Variants in HDAC4 observed in about 807,000 individuals in gnomAD.
The protein encoded by HDAC4 is histone deacetylase 4.
HDAC4 carries 16 observed loss-of-function variants against 135.1 expected under a neutral mutation model. The ratio of observed to expected loss-of-function variants is 0.12; its 90% confidence interval spans 0.08 to 0.18. HDAC4 has a LOEUF of 0.18. Ranked by LOEUF, HDAC4 falls within the 10% of genes least tolerant of loss-of-function variation. The pLI is 1.00. For synonymous variants in HDAC4, 685 were observed against 653.4 expected (o/e 1.05, Z -0.74); for missense variants, 1,143 against 1,511.8 (o/e 0.76, Z 4.05).
intron 2 of HDAC4, among the ~76,000 whole-genome samples, chr2:239,237,207 T>C (rs1198562761): frequency 6.6e-6 from 1 of 152,132 alleles, no homozygotes; most frequent in Non-Finnish European, 1.5e-5. Context: ...TTTAAATCCA[T>C]TTTTAGACTG....
chr2:239,138,925 C>T (rs116039597), intron 9 of HDAC4, among the ~76,000 whole-genome samples: 2,991 of 152,280 alleles, frequency 0.02, 98 homozygotes, highest in African/African-American at 0.068. Flanking sequence ...CCAGCCTGGG[C>T]GCCACTCCTC....
chr2:239,093,085 C>G (rs971511549), intron 17 of HDAC4, among the ~76,000 whole-genome samples: 2 of 152,190 alleles, frequency 1.3e-5, no homozygotes, highest in African/African-American at 4.8e-5. Context: ...GCCAGGACTC[C>G]GCTGGGCGAG....
In HDAC4 at chr2:239,215,015, C is replaced by G. The variant is rs537061781; in HGVS notation, c.94+21578G>C. Reference sequence around the variant, plus strand: ...GCTGGGGATCGACGGCAAGCAGGCTCTAGGATCTGGAAGGCAGGTGAGATC... The same window carrying G: ...GCTGGGGATCGACGGCAAGCAGGCTGTAGGATCTGGAAGGCAGGTGAGATC... On this transcript the variant is annotated intron_variant, in intron 3 of 26. Transcript: ENST00000543185. Among the ~76,000 whole-genome samples the G allele has an allele frequency of 2.0e-4, 31 of 152,278 alleles. No individual in the cohort carries two copies. The East Asian group carries it at 5.8e-3, about 29-fold the overall frequency.
In HDAC4 at chr2:239,102,083, GAAGCCCCCGGCCCGGGGTCCAC is replaced by G. The variant is rs1352401921; in HGVS notation, c.2233+671_2233+692del. 2.5e-3 allele frequency among the ~76,000 whole-genome samples: 258 copies of G among 103,772 alleles called. 1 individual carries two copies. Among genetic ancestry groups the G allele is most frequent in the East Asian group, 4.8e-3 (14 of 2,936 alleles). The allele number at this position is 103,772 out of a possible 152,430, so 68.1% of individuals were successfully genotyped here. On this transcript the variant is annotated intron_variant, in intron 16 of 26. Transcript: ENST00000543185. ...CCCCGGGTCCACGTTCTGTGCCCTGGAAGCCCCCGGCCCGGGGTCCACGTTCTGTGCCCTGGAAGCCCCCGGC... is the reference window on the plus strand; with the variant it reads ...CCCCGGGTCCACGTTCTGTGCCCTGGGTTCTGTGCCCTGGAAGCCCCCGGC...
chr2:239,184,069 T>TTAA, intron 4 of HDAC4, among the ~76,000 whole-genome samples: 1 of 71,404 alleles, frequency 1.4e-5, no homozygotes, highest in East Asian at 5.1e-4. Flanking sequence ...CTTGCTAGTG[T>TTAA]AAAAAAAAAA....
chr2:239,261,474 A>C lies in HDAC4; in HGVS notation c.23-24810T>G, dbSNP rs541098033. On this transcript the variant is annotated intron_variant, in intron 2 of 26. Coordinates refer to ENST00000543185, the MANE Select transcript of HDAC4 (RefSeq NM_001378414.1). ...TCTGGGAGGTGGGCAGGCCCTGGGG[A>C]CCCTGTTAGGTGCATCCATGGGGCA... 8.5e-5 allele frequency among the ~76,000 whole-genome samples: 13 copies of C among 152,156 alleles called. No individual in the cohort carries two copies. In the East Asian group the frequency reaches 2.5e-3, roughly 29 times the overall value.
chr2:239,263,321 C>T (rs1281206320), intron 2 of HDAC4, among the ~76,000 whole-genome samples: 2 of 138,844 alleles, frequency 1.4e-5, no homozygotes, highest in East Asian at 4.4e-4. Context: ...CCCTGAGGAC[C>T]CCCGCCCATC....
intron 2 of HDAC4, among the ~76,000 whole-genome samples, chr2:239,274,688 C>T (rs911596733): frequency 2.6e-5 from 4 of 152,224 alleles, no homozygotes; most frequent in African/African-American, 9.6e-5. Flanking sequence ...CCCTCCACGG[C>T]GGGGCTCTCT....
rs770769407 is a variant in HDAC4, at chr2:239,126,656, C to T, written c.1333G>A (p.Ala445Thr). 24 of 1,613,790 alleles carry T rather than the reference C, an allele frequency of 1.5e-5. No individual in the cohort carries two copies. The Admixed American group carries it at 1.5e-4, about 10-fold the overall frequency. The change falls in exon 12 of 27, where the codon GCA (alanine) becomes ACA (threonine). Residue 445 changes from alanine to threonine, a missense_variant. Around this residue, in one of 9 missense-constraint regions of HDAC4, gnomAD observed 272 missense variants for 309.7 expected, o/e 0.88. Transcript: ENST00000543185. ...CGGTCTGCACCAACCAAGGACTGTG[C>T]GTGGAGGGGCAGTGCTCCCAGGCCT... ...LSGLGALPLHAQSLVGADRVS... is the reference protein window; with the variant it reads ...LSGLGALPLHTQSLVGADRVS...
At chr2:239,121,793 C>T (rs1452495530) in intron 12 of HDAC4, among the ~76,000 whole-genome samples, 4 of 152,218 alleles carry the variant, frequency 2.6e-5, no homozygotes, top group African/African-American at 4.8e-5. Context: ...CTGACGCAGG[C>T]GCCTGTGGGT....
In HDAC4 at chr2:239,115,125, T is replaced by A; in HGVS notation, c.1719A>T (p.Glu573Asp). The change falls in exon 13 of 27, where the codon GAA (glutamate) becomes GAT (aspartate). Residue 573 changes from glutamate to aspartate, a missense_variant. Glu to Asp is a conservative substitution (Grantham distance 45). Transcript: ENST00000543185. This position sits in a 1 kb window ranked among gnomAD's most constrained non-coding sequence, Gnocchi z 6.3. ...CCACCTCCCGTGGGGGCTCTGCCTC[T>A]TCCTCATCGCTCTCAATGGGCTCCT... ...VKQEPIESDE[E>D]EAEPPREVEP... is the part of the protein sequence containing the mutation. 1 of 1,611,942 alleles carries A rather than the reference T, an allele frequency of 6.2e-7. No homozygotes were observed. The highest frequency in any genetic ancestry group is 1.1e-5 in the South Asian group (1 of 91,082).
intron 4 of HDAC4, among the ~76,000 whole-genome samples, chr2:239,179,292 C>T (rs972888096): frequency 4.6e-5 from 7 of 152,336 alleles, no homozygotes; most frequent in African/African-American, 7.2e-5. Context: ...TCCCCACCTC[C>T]GGCCGTGGAC....
At chr2:239,222,032 C>G (rs1036151363) in intron 3 of HDAC4, among the ~76,000 whole-genome samples, 1 of 152,186 alleles carries the variant, frequency 6.6e-6, no homozygotes, top group Non-Finnish European at 1.5e-5. Flanking sequence ...AATCCAAATG[C>G]GGCTGTAAAC....
At chr2:239,148,124 C>T (rs530054673) in intron 7 of HDAC4, among the ~76,000 whole-genome samples, 6 of 152,304 alleles carry the variant, frequency 3.9e-5, no homozygotes, top group African/African-American at 1.4e-4. Context: ...CACGCAATAT[C>T]GCCGTGGGAC....
chr2:239,071,537 A>C (rs1445529481), intron 22 of HDAC4, among the ~76,000 whole-genome samples: 1 of 152,210 alleles, frequency 6.6e-6, no homozygotes, highest in Admixed American at 6.5e-5. Context: ...CCTCCAGAAC[A>C]GGCAACATGC....
chr2:239,320,736 T>C (rs1174679290), intron 2 of HDAC4, among the ~76,000 whole-genome samples: 1 of 152,234 alleles, frequency 6.6e-6, no homozygotes, highest in Non-Finnish European at 1.5e-5. Flanking sequence ...TCTCAAGCCA[T>C]ACTGAACACA....
At chr2:239,099,713 C>T (rs899395596) in intron 16 of HDAC4, among the ~76,000 whole-genome samples, 7 of 152,332 alleles carry the variant, frequency 4.6e-5, no homozygotes, top group African/African-American at 1.7e-4. Context: ...ACTCCACAAT[C>T]CATGCGCCAT....
chr2:239,371,042 A>G (rs1189253291), intron 1 of HDAC4, among the ~76,000 whole-genome samples: 1 of 151,998 alleles, frequency 6.6e-6, no homozygotes, highest in African/African-American at 2.4e-5. Context: ...AGAGTCAGTC[A>G]CTCCTCAGCT....
intron 2 of HDAC4, among the ~76,000 whole-genome samples, chr2:239,270,665 T>A (rs2050009593): frequency 6.6e-6 from 1 of 152,258 alleles, no homozygotes; most frequent in Non-Finnish European, 1.5e-5. Context: ...AGCATTTGTA[T>A]AATTTCTTAC....
Sources: gnomAD v4.1 joint callset for allele counts (sites outside exome capture counted in the v4.1 genomes callset) on GRCh38, gnomAD v4.1.1 for gene constraint, gnomAD v4.1.1 regional missense constraint, Gnocchi (gnomAD v3.1) non-coding constraint, MANE v1.5 for transcripts, NCBI Gene and HGNC (gene_info 2026-07-23, HGNC 2026-07-21) for gene names.